Variants in CPSF6 observed in about 807,000 individuals in gnomAD.
CPSF6 encodes the protein cleavage and polyadenylation specificity factor subunit 6.
In CPSF6, 10 loss-of-function variants were observed where a neutral mutation model predicts 56.7. That is an observed-to-expected ratio of 0.18 (90% CI 0.11 to 0.30). The LOEUF (loss-of-function observed/expected upper bound fraction) is 0.30. Ranked by LOEUF, CPSF6 falls within the 10% of genes least tolerant of loss-of-function variation. The pLI is 1.00. For synonymous variants in CPSF6, 248 were observed against 244.8 expected (o/e 1.01, Z -0.12); for missense variants, 419 against 722.9 (o/e 0.58, Z 4.82).
chr12:69,259,942 C>A, intron 7 of CPSF6, 102 bp from the exon 8 acceptor site: 1 of 1,171,984 alleles, frequency 8.5e-7, no homozygotes, highest in Non-Finnish European at 1.2e-6. Context: ...TTTTATAGCA[C>A]AGTACTTTTG....
intron 7 of CPSF6, 50 bp downstream of exon 7, chr12:69,259,593 A>G: frequency 6.7e-7 from 1 of 1,488,928 alleles, no homozygotes; most frequent in Non-Finnish European, 9.1e-7. Context: ...ATTAGGAATG[A>G]CCTAAAAATG....
intron 9 of CPSF6, among the ~76,000 whole-genome samples, chr12:69,265,980 G>C (rs1190000858): frequency 2.7e-5 from 4 of 150,150 alleles, no homozygotes; most frequent in African/African-American, 7.4e-5. Flanking sequence ...CCAAGATTTA[G>C]GATGCTTTGC....
chr12:69,246,504 T>C (rs1232153732), intron 1 of CPSF6, among the ~76,000 whole-genome samples: 1 of 152,218 alleles, frequency 6.6e-6, no homozygotes. Flanking sequence ...GGCATATTTT[T>C]AGTACCAAAT....
In CPSF6 at chr12:69,258,559, T is replaced by TC. The variant is rs1166114428; in HGVS notation, c.695-31_695-30insC. The TC allele has an allele frequency of 4.5e-6, 7 of 1,548,254 alleles. No individual in the cohort carries two copies. Among genetic ancestry groups the TC allele is most frequent in the Non-Finnish European group, 6.1e-6 (7 of 1,153,378 alleles). On this transcript the variant is annotated intron_variant, in intron 5 of 9. Coordinates refer to ENST00000435070, the MANE Select transcript of CPSF6 (RefSeq NM_007007.3). This position sits in a 1 kb window ranked among gnomAD's most constrained non-coding sequence, Gnocchi z 4.2. ...TAAAATATCTTATTAGTGAAGTGTTTTTTTTTCTCTCTTTCTCCTTTGTTT... is the reference window on the plus strand; with the variant it reads ...TAAAATATCTTATTAGTGAAGTGTTTCTTTTTTCTCTCTTTCTCCTTTGTTT...
intron 2 of CPSF6, 125 bp downstream of exon 2, chr12:69,251,463 G>C (rs1340504392): frequency 3.4e-6 from 2 of 582,886 alleles, no homozygotes. Context: ...GTGTTTGCTT[G>C]TCCAATGAGG....
rs1263528311 is a variant in CPSF6 at position 69,272,236 on chromosome 12, CT to C, written c.*2732del. 6.6e-6 allele frequency: 1 copy of C among 151,024 alleles called. No homozygotes were observed. The highest frequency in any genetic ancestry group is 2.1e-4 in the South Asian group (1 of 4,800). The allele number at this position is 151,024 out of a possible 1,614,324, so 9.4% of individuals were successfully genotyped here. A position where few individuals can be genotyped will look rare whatever the true frequency, so the allele number is the denominator to read the frequency against. ...TCATAGTTTAGCCCATTTAATGGTC[CT>C]TTTACCTAGAATGTTCTTAAGCAGT... is the stretch of plus-strand genomic sequence containing the variant. On this transcript the variant is annotated 3_prime_UTR_variant, in exon 10 of 10. Coordinates refer to ENST00000435070, the MANE Select transcript of CPSF6 (RefSeq NM_007007.3).
intron 8 of CPSF6, 118 bp from the exon 9 acceptor site, chr12:69,262,255 G>A (rs1872773022): frequency 2.3e-6 from 3 of 1,308,230 alleles, no homozygotes; most frequent in African/African-American, 1.5e-5. Flanking sequence ...AGGATAGTAA[G>A]TTTAAACCAG....
intron 1 of CPSF6, among the ~76,000 whole-genome samples, chr12:69,242,943 T>C (rs1871701895): frequency 1.3e-5 from 2 of 152,088 alleles, no homozygotes; most frequent in Admixed American, 1.3e-4. Flanking sequence ...ACCCCATCTC[T>C]ATCAAAATAC....
chr12:69,263,569 C>A (rs541523944), intron 9 of CPSF6, among the ~76,000 whole-genome samples: 1 of 151,712 alleles, frequency 6.6e-6, no homozygotes, highest in Non-Finnish European at 1.5e-5. Context: ...CTAAACAAAC[C>A]CCTCATAGGT....
rs756728311 is a variant in CPSF6, at chr12:69,258,066, T to G, written c.694+161T>G. ...TGATCAAGCATCTTGTTAAAGGAACTCGGCCTTTGTTCCTGGAAACTAGGA... is the reference window on the plus strand; with the variant it reads ...TGATCAAGCATCTTGTTAAAGGAACGCGGCCTTTGTTCCTGGAAACTAGGA... On this transcript the variant is annotated intron_variant, in intron 5 of 9. Transcript: ENST00000435070. This position sits in a 1 kb window ranked among gnomAD's most constrained non-coding sequence, Gnocchi z 4.2. The G allele has an allele frequency of 6.5e-7, 1 of 1,537,742 alleles. No homozygotes were observed. The highest frequency in any genetic ancestry group is 2.4e-5 in the East Asian group (1 of 40,912).
chr12:69,262,554 C>T lies in CPSF6; in HGVS notation c.1651C>T (p.Arg551Cys), dbSNP rs1331705563. 3.7e-6 allele frequency: 6 copies of T among 1,611,090 alleles called. No individual in the cohort carries two copies. Among genetic ancestry groups the T allele is most frequent in the Admixed American group, 1.7e-5 (1 of 59,614 alleles). Residue 551 changes from arginine (R) to cysteine (C), a missense_variant, in exon 9 of 10, where the codon CGT (arginine) becomes TGT (cysteine). Arg to Cys is a radical substitution (Grantham distance 180). Coordinates refer to ENST00000435070, the MANE Select transcript of CPSF6 (RefSeq NM_007007.3). ...ERDREREYRH[R>C] is the part of the protein sequence containing the mutation. Reference sequence around the variant, plus strand: ...TGACCGAGAGCGCGAATATCGTCATCGTTAGAAGGTGGGTATTCCTTGTTC... The same window carrying T: ...TGACCGAGAGCGCGAATATCGTCATTGTTAGAAGGTGGGTATTCCTTGTTC...
intron 6 of CPSF6, 111 bp from the exon 7 acceptor site, chr12:69,259,317 C>T (rs1872646956): frequency 2.9e-6 from 4 of 1,379,662 alleles, no homozygotes; most frequent in Non-Finnish European, 2.9e-6. Context: ...AAAGTAACTA[C>T]TATCTCTAAA....
intron 1 of CPSF6, among the ~76,000 whole-genome samples, 196 bp from the exon 2 acceptor site, chr12:69,250,933 A>G (rs902641727): frequency 2.6e-5 from 4 of 152,196 alleles, no homozygotes; most frequent in African/African-American, 7.2e-5. Context: ...GGTGTGAGCC[A>G]CCACTCCCGG....
At chr12:69,249,324 A>G (rs1010512505) in intron 1 of CPSF6, among the ~76,000 whole-genome samples, 2 of 151,938 alleles carry the variant, frequency 1.3e-5, no homozygotes, top group Non-Finnish European at 2.9e-5. Flanking sequence ...TAAATAAAAG[A>G]TCTTATTCTG....
intron 3 of CPSF6, among the ~76,000 whole-genome samples, chr12:69,256,211 G>C (rs1023271368): frequency 1.3e-5 from 2 of 152,074 alleles, no homozygotes; most frequent in Admixed American, 1.3e-4. Flanking sequence ...GGTTCCATAG[G>C]GTACAGGGAT....
intron 1 of CPSF6, among the ~76,000 whole-genome samples, chr12:69,245,907 G>A (rs544698458): frequency 6.6e-6 from 1 of 152,134 alleles, no homozygotes; most frequent in South Asian, 2.1e-4. Context: ...CCAACATGGC[G>A]AAACCCCTGT....
intron 9 of CPSF6, 124 bp from the exon 10 acceptor site, chr12:69,269,388 T>C (rs1211952473): frequency 3.3e-6 from 1 of 303,172 alleles, no homozygotes. Context: ...TTAATTCTTA[T>C]TTTGTGTTAG....
Position 69,256,751 on chromosome 12 carries a change from G to C in CPSF6, c.429G>C (p.Leu143=), listed in dbSNP as rs149215151. 1.3e-5 allele frequency: 21 copies of C among 1,613,856 alleles called. No individual in the cohort carries two copies. Among genetic ancestry groups the C allele is most frequent in the Middle Eastern group, 1.7e-4 (1 of 6,058 alleles). The change falls in exon 4 of 10, where the codon CTG becomes CTC. Residue 143 remains leucine (L), a synonymous_variant. Coordinates refer to ENST00000435070, the MANE Select transcript of CPSF6 (RefSeq NM_007007.3). The part of the protein sequence containing the change: ...SEASSKKLMD[L]LPKRELHGQN... ...CATCTTCAAAAAAGTTAATGGATCTGTTACCTAAAAGAGAACTTCATGGTC... is the reference window on the plus strand; with the variant it reads ...CATCTTCAAAAAAGTTAATGGATCTCTTACCTAAAAGAGAACTTCATGGTC...
At chr12:69,241,564 G>T (rs1425918891) in intron 1 of CPSF6, among the ~76,000 whole-genome samples, 1 of 152,126 alleles carries the variant, frequency 6.6e-6, no homozygotes, top group African/African-American at 2.4e-5. Context: ...AATATTTTTA[G>T]GCTTTTGCAT....
Sources: allele counts gnomAD v4.1 joint callset (sites outside exome capture counted in the v4.1 genomes callset), GRCh38; gene constraint gnomAD v4.1.1; non-coding constraint Gnocchi (gnomAD v3.1); transcripts MANE v1.5; gene names NCBI Gene and HGNC (gene_info 2026-07-23, HGNC 2026-07-21).